Variants in CRAMP1 observed in about 807,000 individuals in gnomAD.
CRAMP1 encodes the protein protein cramped-like.
CRAMP1 carries 50 observed loss-of-function variants against 115.4 expected under a neutral mutation model. That is an observed-to-expected ratio of 0.43 (90% CI 0.35 to 0.55). The LOEUF is 0.55. Among genes scored for constraint, CRAMP1 ranks in the 20% least tolerant of loss-of-function variants. The pLI is 0.01. For synonymous variants in CRAMP1, 866 were observed against 745.4 expected (o/e 1.16, Z -2.64); for missense variants, 1,679 against 1,721.7 (o/e 0.98, Z 0.44).
chr16:1,655,926 T>C lies in CRAMP1; in HGVS notation c.1169T>C (p.Met390Thr), dbSNP rs1323027784. The C allele has an allele frequency of 6.2e-7, 1 of 1,612,988 alleles. No individual in the cohort carries two copies. The highest frequency in any genetic ancestry group is 8.5e-7 in the Non-Finnish European group (1 of 1,179,846). ...RQLQDSCSAP[M>T]QEKVTLHLFP... ...CTGCAGGACTCATGCTCCGCACCGA[T>C]GCAGGAGAAGGTGACACTGCACTTG... is the stretch of plus-strand genomic sequence containing the variant. Residue 390 changes from methionine (M) to threonine (T), a missense_variant, in exon 10 of 21, where the codon ATG becomes ACG. By Grantham distance (81) the Met-to-Thr change is moderately conservative. Transcript: ENST00000397412.
rs765813513 is a variant in CRAMP1, at chr16:1,655,238, C to T, written c.1057C>T (p.Arg353Ter). The stretch of plus-strand genomic sequence containing the variant: ...CCGTAGGATGATCGTGGAGCTACAT[C>T]GAAAGGTCTCCAGCCTCATCGAATT... Reference protein sequence around the residue: ...PRLRMIVELHRKVSSLIEFLK... With the variant: ...PRLRMIVELH The change falls in exon 9 of 21, where the codon CGA becomes TGA. Residue 353 changes from arginine (R) to a stop codon, truncating the protein, a stop_gained. Coordinates refer to ENST00000397412, the MANE Select transcript of CRAMP1 (RefSeq NM_020825.4). LOFTEE classifies it high-confidence loss of function. The T allele has an allele frequency of 1.9e-6, 3 of 1,613,922 alleles. No individual in the cohort carries two copies. Among genetic ancestry groups the T allele is most frequent in the Admixed American group, 1.7e-5 (1 of 60,032 alleles).
intron 2 of CRAMP1, among the ~76,000 whole-genome samples, chr16:1,624,271 G>C (rs1033740639): frequency 2.6e-5 from 4 of 151,886 alleles, no homozygotes; most frequent in Non-Finnish European, 4.4e-5. Flanking sequence ...CCCCCACCGG[G>C]TGAGGCACTG....
At chr16:1,640,835 A>T (rs759818712) in intron 5 of CRAMP1, among the ~76,000 whole-genome samples, 13 of 152,094 alleles carry the variant, frequency 8.5e-5, no homozygotes, top group Non-Finnish European at 1.8e-4. Context: ...GCGCTGGGGG[A>T]CCTAGGAGGG....
intron 2 of CRAMP1, among the ~76,000 whole-genome samples, chr16:1,620,866 G>A (rs575809007): frequency 6.6e-6 from 1 of 152,140 alleles, no homozygotes; most frequent in African/African-American, 2.4e-5. Context: ...TGAGAAGGTT[G>A]CGTGGTTCTT....
rs763489481 is a variant in CRAMP1, at chr16:1,677,657, C to T, written c.*3612C>T. 2 of 152,550 alleles carry T rather than the reference C, an allele frequency of 1.3e-5. No individual in the cohort carries two copies. Among genetic ancestry groups the T allele is most frequent in the Admixed American group, 6.5e-5 (1 of 15,280 alleles). 9.4% of individuals were successfully genotyped at this position (152,550 alleles called of 1,614,324 possible). On this transcript the variant is annotated 3_prime_UTR_variant, in exon 21 of 21. Coordinates refer to ENST00000397412, the MANE Select transcript of CRAMP1 (RefSeq NM_020825.4). ...GTTAAGCCATAGCGAGGCCTCCGCT[C>T]GTTTCAGATATGAATTTGTTTTATA...
At chr16:1,624,134 G>GTT (rs57776818) in intron 2 of CRAMP1, among the ~76,000 whole-genome samples, 8 of 146,488 alleles carry the variant, frequency 5.5e-5, no homozygotes, top group Admixed American at 2.7e-4. Flanking sequence ...GAGAGGCTGA[G>GTT]TTTTTTTTTT....
chr16:1,635,550 C>T (rs953413980), intron 4 of CRAMP1, among the ~76,000 whole-genome samples: 23 of 152,214 alleles, frequency 1.5e-4, no homozygotes, highest in Non-Finnish European at 1.0e-4. Flanking sequence ...AGCCCTGCTT[C>T]GTCCCAGGGT....
At position 1,668,014 on chromosome 16, in the gene CRAMP1, G is replaced by T; in HGVS notation, c.3155G>T (p.Gly1052Val). The change falls in exon 18 of 21, where the codon GGC becomes GTC. Residue 1052 changes from glycine (G) to valine (V), a missense_variant. Physicochemically the swap from Gly to Val is moderately radical, Grantham distance 109 (BLOSUM62 -3). This residue lies in a region of CRAMP1 where 709 missense variants were observed against 741.9 expected (regional missense o/e 0.96). Coordinates refer to ENST00000397412, the MANE Select transcript of CRAMP1 (RefSeq NM_020825.4). ...SELPKAPLQN[G>V]LSIPLSSSES... Reference sequence around the variant, plus strand: ...CTGCCCAAGGCCCCTCTCCAGAATGGCCTCTCCATACCGCTGTCCTCGTCA... The same window carrying T: ...CTGCCCAAGGCCCCTCTCCAGAATGTCCTCTCCATACCGCTGTCCTCGTCA... 1 of 1,613,734 alleles carries T rather than the reference G, an allele frequency of 6.2e-7. No individual in the cohort carries two copies.
chr16:1,641,197 A>T lies in CRAMP1; in HGVS notation c.827+10A>T, dbSNP rs751454351. 1 of 1,598,352 alleles carries T rather than the reference A, an allele frequency of 6.3e-7. No homozygotes were observed. ...AACTCATTCAGGTTGGGTAAGTCCCAGTTTCCATGTGAAACATCACTTCTC... is the reference window on the plus strand; with the variant it reads ...AACTCATTCAGGTTGGGTAAGTCCCTGTTTCCATGTGAAACATCACTTCTC... On this transcript the variant is annotated intron_variant, in intron 6 of 20. Transcript: ENST00000397412.
At chr16:1,654,099 C>T (rs1445130613) in intron 8 of CRAMP1, among the ~76,000 whole-genome samples, 41 of 148,950 alleles carry the variant, frequency 2.8e-4, no homozygotes, top group African/African-American at 9.1e-4. Flanking sequence ...GCCAAGATTG[C>T]GCCCCTGCCC....
intron 2 of CRAMP1, among the ~76,000 whole-genome samples, chr16:1,617,271 G>A (rs930671196): frequency 1.3e-5 from 2 of 152,200 alleles, no homozygotes; most frequent in African/African-American, 2.4e-5. Context: ...CTGCCTGTCC[G>A]CTGCTCTCTG....
chr16:1,658,877 A>G (rs1489106360), intron 10 of CRAMP1, among the ~76,000 whole-genome samples: 1 of 151,972 alleles, frequency 6.6e-6, no homozygotes, highest in Non-Finnish European at 1.5e-5. Context: ...CCCGGGTGGG[A>G]TGTGTGGGGT....
chr16:1,639,929 A>C (rs1259972861), intron 5 of CRAMP1, among the ~76,000 whole-genome samples: 1 of 152,206 alleles, frequency 6.6e-6, no homozygotes, highest in Admixed American at 6.5e-5. Context: ...AAGTTTGATG[A>C]AAATAAATGA....
chr16:1,633,371 C>T (rs945317276), intron 4 of CRAMP1, among the ~76,000 whole-genome samples: 1 of 152,250 alleles, frequency 6.6e-6, no homozygotes, highest in Non-Finnish European at 1.5e-5. Flanking sequence ...GAAGAACCTC[C>T]ACTGGGAGAT....
At position 1,669,159 on chromosome 16, in the gene CRAMP1, C is replaced by G; in HGVS notation, c.3493C>G (p.Leu1165Val). Residue 1165 changes from leucine (L) to valine (V), a missense_variant, in exon 19 of 21, where the codon CTG becomes GTG. This residue lies in a region of CRAMP1 where 709 missense variants were observed against 741.9 expected (regional missense o/e 0.96). Transcript: ENST00000397412. This position sits in a 1 kb window ranked among gnomAD's most constrained non-coding sequence, Gnocchi z 4.6. ...SDSTDSSLSS[L>V]FASFISPEKS... ...CTCCACCGACTCCTCGCTCAGCAGC[C>G]TGTTTGGTGAGTGTATGGGGAGGGC... The G allele has an allele frequency of 6.3e-7, 1 of 1,599,838 alleles. No homozygotes were observed. Among genetic ancestry groups the G allele is most frequent in the Middle Eastern group, 1.7e-4 (1 of 6,014 alleles).
intron 2 of CRAMP1, among the ~76,000 whole-genome samples, chr16:1,624,714 G>A (rs1172835515): frequency 6.6e-6 from 1 of 152,098 alleles, no homozygotes; most frequent in Non-Finnish European, 1.5e-5. Flanking sequence ...CCGAGTAGCT[G>A]GGACTACAGG....
At chr16:1,670,913 G>A (rs1420983151) in intron 20 of CRAMP1, 104 bp downstream of exon 20, 6 of 1,105,474 alleles carry the variant, frequency 5.4e-6, no homozygotes, top group Non-Finnish European at 7.8e-6. Context: ...TGTTTGCCAA[G>A]AGTAGAAGAA....
rs374237108 is a variant in CRAMP1 at position 1,672,789 on chromosome 16, G to A, written c.3646-1092G>A. On this transcript the variant is annotated intron_variant, in intron 20 of 20. Transcript: ENST00000397412. The surrounding 1 kb of genome is among the most constrained non-coding windows in gnomAD (Gnocchi z 4.9). ...AAGCGCTGAAAACGGCACATTCTAC[G>A]TATTTGCTCATGGGACAAGATCCCG... 1.6e-4 allele frequency among the ~76,000 whole-genome samples: 24 copies of A among 152,240 alleles called. No individual in the cohort carries two copies. In the East Asian group the frequency reaches 2.9e-3, roughly 18 times the overall value.
At chr16:1,647,957 A>G (rs2036690773) in intron 6 of CRAMP1, among the ~76,000 whole-genome samples, 1 of 152,070 alleles carries the variant, frequency 6.6e-6, no homozygotes, top group African/African-American at 2.4e-5. Flanking sequence ...GACCAGGCCT[A>G]AGCGTCACCC....
Sources: allele counts gnomAD v4.1 joint callset (sites outside exome capture counted in the v4.1 genomes callset), GRCh38; gene constraint gnomAD v4.1.1; regional missense constraint gnomAD v4.1.1; non-coding constraint Gnocchi (gnomAD v3.1); transcripts MANE v1.5; gene names NCBI Gene and HGNC (gene_info 2026-07-23, HGNC 2026-07-21).